Variants in AGAP2 observed in about 807,000 individuals in gnomAD.
AGAP2 encodes the protein arf-GAP with GTPase, ANK repeat and PH domain-containing protein 2.
In AGAP2, 32 loss-of-function variants were observed where a neutral mutation model predicts 110.9. The ratio of observed to expected loss-of-function variants is 0.29; its 90% confidence interval spans 0.22 to 0.39. The LOEUF (loss-of-function observed/expected upper bound fraction) is 0.39. AGAP2 is among the 10% of genes least tolerant of loss of function. The pLI is 1.00. For missense variants in AGAP2, 1,285 were observed against 1,638.5 expected (o/e 0.78, Z 3.72); for synonymous variants, 702 against 713.0 (o/e 0.98, Z 0.25).
At chr12:57,738,831 G>A (rs1376233894), upstream of AGAP2, among the ~76,000 whole-genome samples, 3 of 151,718 alleles carry the variant, frequency 2.0e-5, no homozygotes, top group Admixed American at 6.6e-5. The surrounding 1 kb of genome is among the most constrained non-coding windows in gnomAD (Gnocchi z 6.7). Context: ...AAGAGGGAAC[G>A]GGAGGTGGGT....
At chr12:57,724,039 CCCT>C (rs1443918736), downstream of AGAP2, 1 of 152,578 alleles carries the variant, frequency 6.6e-6, no homozygotes, top group African/African-American at 2.4e-5. Context: ...GCTACCTCCC[CCCT>C]CTTGTCGCTT....
chr12:57,723,977 G>C (rs999617064), downstream of AGAP2: 4 of 152,202 alleles, frequency 2.6e-5, no homozygotes, highest in Non-Finnish European at 5.9e-5. Context: ...AGAGAGTCCA[G>C]GGTCTTGGAG....
Position 57,737,994 on chromosome 12 carries a change from T to C in AGAP2, c.253A>G (p.Thr85Ala), listed in dbSNP as rs781617924. The change falls in exon 1 of 19, where the codon ACC becomes GCC. Residue 85 changes from threonine (T) to alanine (A), a missense_variant. This residue lies in a region of AGAP2 where 844 missense variants were observed against 941.2 expected (regional missense o/e 0.90). Transcript: ENST00000547588. This position sits in a 1 kb window ranked among gnomAD's most constrained non-coding sequence, Gnocchi z 5.9. Reference sequence around the variant, plus strand: ...AGGGCTGGGGGCTCCGCGCCCCCGGTGCCCGCGCTGCTCGTGCTGATCCAC... The same window carrying C: ...AGGGCTGGGGGCTCCGCGCCCCCGGCGCCCGCGCTGCTCGTGCTGATCCAC... The part of the protein sequence containing the change: ...ALWISTSSAG[T>A]GGAEPPALSP... The C allele has an allele frequency of 8.1e-6, 12 of 1,473,070 alleles. No individual in the cohort carries two copies. In the South Asian group the frequency reaches 1.4e-4, roughly 18 times the overall value. 91.2% of individuals were successfully genotyped at this position (1,473,070 alleles called of 1,614,324 possible).
intron 2 of AGAP2, among the ~76,000 whole-genome samples, 185 bp downstream of exon 2, chr12:57,735,184 A>G (rs773110994): frequency 6.6e-6 from 1 of 152,084 alleles, no homozygotes; most frequent in Non-Finnish European, 1.5e-5. Flanking sequence ...GATAGGAAAA[A>G]CTTGTGAGGA....
chr12:57,740,885 A>G (rs1195841460), upstream of AGAP2, among the ~76,000 whole-genome samples: 1 of 152,238 alleles, frequency 6.6e-6, no homozygotes, highest in African/African-American at 2.4e-5. Context: ...GTGTACTAGC[A>G]GAGAGGTCTG....
At chr12:57,731,782 G>A in intron 8 of AGAP2, 27 bp downstream of exon 8, 2 of 1,556,618 alleles carry the variant, frequency 1.3e-6, no homozygotes, top group Non-Finnish European at 1.7e-6. Flanking sequence ...ACAGGAGGAT[G>A]GGGGTCAGCA....
chr12:57,734,233 C>T, intron 4 of AGAP2, 60 bp from the exon 5 acceptor site: 1 of 1,610,796 alleles, frequency 6.2e-7, no homozygotes, highest in Admixed American at 1.7e-5. Flanking sequence ...TGGACCCAAT[C>T]CAGATGAAGA....
upstream of AGAP2, among the ~76,000 whole-genome samples, chr12:57,740,211 G>C (rs1345126647): frequency 6.6e-6 from 1 of 151,948 alleles, no homozygotes; most frequent in Non-Finnish European, 1.5e-5. Context: ...CTGGTGGGGG[G>C]CTGAGGGTGG....
chr12:57,726,638 G>A lies in AGAP2; in HGVS notation c.3493C>T (p.Pro1165Ser), dbSNP rs1954768435. The A allele has an allele frequency of 1.7e-6, 2 of 1,198,242 alleles. No homozygotes were observed. Among genetic ancestry groups the A allele is most frequent in the Non-Finnish European group, 2.1e-6 (2 of 966,442 alleles). 74.2% of individuals were successfully genotyped at this position (1,198,242 alleles called of 1,614,324 possible). Residue 1165 changes from proline (P) to serine (S), a missense_variant, in exon 19 of 19, where the codon CCC becomes TCC. Physicochemically the swap from Pro to Ser is moderately conservative, Grantham distance 74. Transcript: ENST00000547588. This position sits in a 1 kb window ranked among gnomAD's most constrained non-coding sequence, Gnocchi z 5.7. ...AATTPSAATT[P>S]SITATPSPRR... is the part of the protein sequence containing the mutation. ...GGGCTGGGCGTGGCGGTGATGCTGG[G>A]CGTGGTGGCCGCGCTGGGCGTGGTG...
chr12:57,732,937 C>T lies in AGAP2; in HGVS notation c.1592G>A (p.Arg531His), dbSNP rs1246757284. ...ASSPRVVGDA[R>H]ARALCADMKR... ...CATGTCCGCGCACAGAGCTCTGGCA[C>T]GAGCATCTCCCACCACCCGAGGGGA... The change falls in exon 6 of 19, where the codon CGT (arginine) becomes CAT (histidine). Residue 531 changes from arginine to histidine, a missense_variant. Physicochemically the swap from Arg to His is conservative, Grantham distance 29 (BLOSUM62 0). Around this residue, in one of 7 missense-constraint regions of AGAP2, gnomAD observed 844 missense variants for 941.2 expected, o/e 0.90. Coordinates refer to ENST00000547588, the MANE Select transcript of AGAP2 (RefSeq NM_001122772.3). 1.1e-5 allele frequency: 17 copies of T among 1,614,038 alleles called. No individual in the cohort carries two copies. Among genetic ancestry groups the T allele is most frequent in the Middle Eastern group, 1.6e-4 (1 of 6,062 alleles).
Position 57,737,942 on chromosome 12 carries a change from C to A in AGAP2, c.305G>T (p.Arg102Leu), listed in dbSNP as rs1445320247. 1.4e-6 allele frequency: 2 copies of A among 1,392,906 alleles called. No individual in the cohort carries two copies. Among genetic ancestry groups the A allele is most frequent in the Non-Finnish European group, 1.8e-6 (2 of 1,084,358 alleles). 86.3% of individuals were successfully genotyped at this position (1,392,906 alleles called of 1,614,324 possible). ...ALSPAPASPARPVSPAPGRRL... is the reference protein window; with the variant it reads ...ALSPAPASPALPVSPAPGRRL... ...GCGGCCGGGAGCGGGGGAGACTGGGCGGGCCGGACTGGCCGGAGCCGGGGA... is the reference window on the plus strand; with the variant it reads ...GCGGCCGGGAGCGGGGGAGACTGGGAGGGCCGGACTGGCCGGAGCCGGGGA... Residue 102 changes from arginine to leucine, a missense_variant, in exon 1 of 19, where the codon CGC becomes CTC. Arg to Leu is a moderately radical substitution (Grantham distance 102). Transcript: ENST00000547588. The surrounding 1 kb of genome is among the most constrained non-coding windows in gnomAD (Gnocchi z 5.9).
In AGAP2 at chr12:57,730,521, C is replaced by G; in HGVS notation, c.2402G>C (p.Arg801Pro). 1.2e-6 allele frequency: 2 copies of G among 1,614,164 alleles called. No individual in the cohort carries two copies. Among genetic ancestry groups the G allele is most frequent in the South Asian group, 2.2e-5 (2 of 91,084 alleles). Reference protein sequence around the residue: ...QTSKHLLKPDRNLARALSTDC... With the variant: ...QTSKHLLKPDPNLARALSTDC... Reference sequence around the variant, plus strand: ...CGTGCTGAGGGCTCGGGCCAAATTCCGGTCTGGCTTCAGCAGGTGTTTGGA... The same window carrying G: ...CGTGCTGAGGGCTCGGGCCAAATTCGGGTCTGGCTTCAGCAGGTGTTTGGA... The change falls in exon 12 of 19, where the codon CGG (arginine) becomes CCG (proline). Residue 801 changes from arginine (R) to proline (P), a missense_variant. By Grantham distance (103) the Arg-to-Pro change is moderately radical. This residue lies in a region of AGAP2 where 135 missense variants were observed against 182.0 expected (regional missense o/e 0.74). Coordinates refer to ENST00000547588, the MANE Select transcript of AGAP2 (RefSeq NM_001122772.3).
chr12:57,739,020 A>T (rs1004643220), upstream of AGAP2, among the ~76,000 whole-genome samples: 2 of 58,694 alleles, frequency 3.4e-5, no homozygotes, highest in African/African-American at 1.3e-4. Context: ...CCTTTTCTCC[A>T]CCAGCACCGA....
rs769526935 is a variant in AGAP2 at position 57,730,503 on chromosome 12, A to G, written c.2420T>C (p.Leu807Pro). The change falls in exon 12 of 19, where the codon CTC (leucine) becomes CCC (proline). Residue 807 changes from leucine to proline, a missense_variant. This residue lies in a region of AGAP2 where 135 missense variants were observed against 182.0 expected (regional missense o/e 0.74). Transcript: ENST00000547588. Reference protein sequence around the residue: ...LKPDRNLARALSTDCTPSGDL... With the variant: ...LKPDRNLARAPSTDCTPSGDL... ...AGGTCATCCCCACTGACCCGTGCTGAGGGCTCGGGCCAAATTCCGGTCTGG... is the reference window on the plus strand; with the variant it reads ...AGGTCATCCCCACTGACCCGTGCTGGGGGCTCGGGCCAAATTCCGGTCTGG... 5 of 1,613,974 alleles carry G rather than the reference A, an allele frequency of 3.1e-6. No homozygotes were observed. In the East Asian group the frequency reaches 1.1e-4, roughly 36 times the overall value.
upstream of AGAP2, among the ~76,000 whole-genome samples, chr12:57,741,658 T>A (rs1043587734): frequency 6.6e-6 from 1 of 152,162 alleles, no homozygotes; most frequent in East Asian, 1.9e-4. Context: ...TGCTCACACA[T>A]TTCTTCATTG....
chr12:57,732,353 C>T, intron 7 of AGAP2, 50 bp downstream of exon 7: 1 of 1,504,020 alleles, frequency 6.6e-7, no homozygotes, highest in Non-Finnish European at 9.1e-7. Context: ...GGATCCCCAG[C>T]CCCTCTGCAT....
chr12:57,733,759 G>A (rs940906681), intron 5 of AGAP2, among the ~76,000 whole-genome samples: 1 of 152,322 alleles, frequency 6.6e-6, no homozygotes, highest in South Asian at 2.1e-4. Flanking sequence ...CAGAACACAA[G>A]GTAGGTGACA....
rs73338219 is a variant in AGAP2, at chr12:57,729,314, G to A, written c.2557+325C>T. ...GGGGCTGAATCACTGGGGATCAGCG[G>A]GGCTGCCGGGTGCAGGGGCTGGGGT... On this transcript the variant is annotated intron_variant, in intron 13 of 18. Coordinates refer to ENST00000547588, the MANE Select transcript of AGAP2 (RefSeq NM_001122772.3). Among the ~76,000 whole-genome samples, 495 of 152,148 alleles carry A rather than the reference G, an allele frequency of 3.3e-3. 3 individuals are homozygous for A. Among genetic ancestry groups the A allele is most frequent in the African/African-American group, 0.011 (469 of 41,494 alleles).
Position 57,735,410 on chromosome 12 carries a change from G to T in AGAP2, c.1186C>A (p.Gln396Lys). 2 of 1,613,782 alleles carry T rather than the reference G, an allele frequency of 1.2e-6. No homozygotes were observed. The highest frequency in any genetic ancestry group is 8.5e-7 in the Non-Finnish European group (1 of 1,179,950). ...RASPKAVINS[Q>K]EWTLSRSIPE... ...ATGGAGCGGCTCAAAGTCCATTCCT[G>T]GCTATTGATCACAGCCTCTGTAACG... Residue 396 changes from glutamine (Q) to lysine (K), a missense_variant, in exon 2 of 19, where the codon CAG becomes AAG. Coordinates refer to ENST00000547588, the MANE Select transcript of AGAP2 (RefSeq NM_001122772.3).
Sources: allele counts gnomAD v4.1 joint callset (sites outside exome capture counted in the v4.1 genomes callset), GRCh38; gene constraint gnomAD v4.1.1; regional missense constraint gnomAD v4.1.1; non-coding constraint Gnocchi (gnomAD v3.1); transcripts MANE v1.5; gene names NCBI Gene and HGNC (gene_info 2026-07-23, HGNC 2026-07-21).